ZFPL1: variants seen among roughly 807,000 people sequenced by gnomAD.
The protein encoded by ZFPL1 is zinc finger protein like 1.
A neutral mutation model predicts 32.0 loss-of-function variants in ZFPL1; 28 were observed. The observed-to-expected ratio is 0.87, with a 90% confidence interval of 0.65 to 1.20. ZFPL1 has a LOEUF of 1.20. Ranked by LOEUF, ZFPL1 falls within the 50% of genes most tolerant of loss-of-function variation. ZFPL1 has a pLI of 0.00. For synonymous variants in ZFPL1, 165 were observed against 177.0 expected (o/e 0.93, Z 0.54); for missense variants, 386 against 424.8 (o/e 0.91, Z 0.80).
Position 65,084,801 on chromosome 11 carries a change from G to C in ZFPL1, c.102+1G>C. ...CTGCCTGGTAGCCAATCACGCCAAG[G>C]TGGGGCCTTCAGGGGAGCGACTGAG... is the stretch of plus-strand genomic sequence containing the variant. On this transcript the variant is annotated splice_donor_variant, in intron 2 of 7. Transcript: ENST00000294258. LOFTEE classifies it high-confidence loss of function. The C allele has an allele frequency of 6.2e-7, 1 of 1,614,100 alleles. No homozygotes were observed. The highest frequency in any genetic ancestry group is 8.5e-7 in the Non-Finnish European group (1 of 1,180,030).
chr11:65,086,063 G>A (rs1947676322), intron 3 of ZFPL1: 1 of 364,818 alleles, frequency 2.7e-6, no homozygotes, highest in South Asian at 2.6e-5. Flanking sequence ...ATGTGTGCCT[G>A]TGTGTGTATC....
intron 3 of ZFPL1, chr11:65,085,943 T>C: frequency 4.5e-6 from 1 of 221,790 alleles, no homozygotes; most frequent in East Asian, 1.3e-4. Flanking sequence ...TATAGATGTG[T>C]ATGTGTGAGG....
At chr11:65,084,530 A>G (rs1239413895) in intron 1 of ZFPL1, 152 bp downstream of exon 1, 11 of 636,492 alleles carry the variant, frequency 1.7e-5, no homozygotes, top group Non-Finnish European at 2.7e-5. Context: ...GGATTTATGC[A>G]GGGGGTGTTT....
chr11:65,086,885 C>G, intron 5 of ZFPL1, 43 bp from the exon 6 acceptor site: 1 of 1,613,134 alleles, frequency 6.2e-7, no homozygotes, highest in South Asian at 1.1e-5. Context: ...TACCCCTGAG[C>G]TCTATGCACT....
Position 65,088,351 on chromosome 11 carries a change from C to T in ZFPL1, c.*237C>T. The T allele has an allele frequency of 7.8e-7, 1 of 1,288,984 alleles. No individual in the cohort carries two copies. Among genetic ancestry groups the T allele is most frequent in the Non-Finnish European group, 1.1e-6 (1 of 922,076 alleles). 79.8% of individuals were successfully genotyped at this position (1,288,984 alleles called of 1,614,324 possible). A position where few individuals can be genotyped will look rare whatever the true frequency, so the allele number is the denominator to read the frequency against. ...CGGGTCTCCAGCCTCCGACCCCTCG[C>T]CCCATGAAGGAGCTGGCAGGTGGAA... On this transcript the variant is annotated 3_prime_UTR_variant, in exon 8 of 8. Coordinates refer to ENST00000294258, the MANE Select transcript of ZFPL1 (RefSeq NM_006782.4).
rs758367400 is a variant in ZFPL1 at position 65,084,753 on chromosome 11, C to T, written c.55C>T (p.His19Tyr). 6.2e-7 allele frequency: 1 copy of T among 1,614,132 alleles called. No homozygotes were observed. Among genetic ancestry groups the T allele is most frequent in the Non-Finnish European group, 8.5e-7 (1 of 1,180,028 alleles). Reference sequence around the variant, plus strand: ...GGTGACCAACCTGTTCTGCTTCGAACATCGGGTCAACGTCTGCGAGCACTG... The same window carrying T: ...GGTGACCAACCTGTTCTGCTTCGAATATCGGGTCAACGTCTGCGAGCACTG... ...RKVTNLFCFEHRVNVCEHCLV... is the reference protein window; with the variant it reads ...RKVTNLFCFEYRVNVCEHCLV... Residue 19 changes from histidine to tyrosine, a missense_variant, in exon 2 of 8, where the codon CAT becomes TAT. His to Tyr is a moderately conservative substitution (Grantham distance 83, BLOSUM62 2). Coordinates refer to ENST00000294258, the MANE Select transcript of ZFPL1 (RefSeq NM_006782.4).
intron 3 of ZFPL1, 190 bp downstream of exon 3, chr11:65,085,416 T>G: frequency 4.9e-6 from 3 of 610,462 alleles, no homozygotes; most frequent in Non-Finnish European, 8.8e-6. Context: ...GGCCTCACTG[T>G]CTTTCCTAAA....
At chr11:65,087,882 C>T in intron 7 of ZFPL1, 46 bp from the exon 8 acceptor site, 1 of 1,511,184 alleles carries the variant, frequency 6.6e-7, no homozygotes, top group Non-Finnish European at 8.8e-7. Context: ...GCCGCGGGGG[C>T]CACCAGGGAC....
At chr11:65,086,174 T>C (rs1947677512) in intron 3 of ZFPL1, 1 of 590,866 alleles carries the variant, frequency 1.7e-6, no homozygotes, top group Admixed American at 3.0e-5. Context: ...AAAGGGGAGG[T>C]GGCGTTTTCT....
intron 7 of ZFPL1, 54 bp from the exon 8 acceptor site, chr11:65,087,874 C>T (rs567672441): frequency 1.3e-5 from 19 of 1,500,326 alleles, no homozygotes; most frequent in East Asian, 1.2e-4. Context: ...TCTCTCCAGC[C>T]GCGGGGGCCA....
intron 3 of ZFPL1, chr11:65,086,073 C>T (rs377306912): frequency 2.7e-5 from 10 of 376,210 alleles, no homozygotes; most frequent in African/African-American, 1.7e-4. Context: ...GTGTGTGTAT[C>T]GAGGAACCTT....
chr11:65,084,673 CT>C lies in ZFPL1; in HGVS notation c.-8-17del. On this transcript the variant is annotated splice_polypyrimidine_tract_variant and intron_variant, in intron 1 of 7. Coordinates refer to ENST00000294258, the MANE Select transcript of ZFPL1 (RefSeq NM_006782.4). The stretch of plus-strand genomic sequence containing the variant: ...CCACCAGAACCTGACTTCCTACCAA[CT>C]CATGCCCCTTTCCCAGGATCGATCA... 6.2e-7 allele frequency: 1 copy of C among 1,612,160 alleles called. No homozygotes were observed. Among genetic ancestry groups the C allele is most frequent in the Non-Finnish European group, 8.5e-7 (1 of 1,178,400 alleles).
chr11:65,087,441 G>A lies in ZFPL1; in HGVS notation c.746+8G>A. 1 of 1,613,482 alleles carries A rather than the reference G, an allele frequency of 6.2e-7. No individual in the cohort carries two copies. Among genetic ancestry groups the A allele is most frequent in the Non-Finnish European group, 8.5e-7 (1 of 1,179,502 alleles). On this transcript the variant is annotated splice_region_variant and intron_variant, in intron 7 of 7. Transcript: ENST00000294258. ...GCTGGCCCGGCTGCTAAGGTACACA[G>A]GGTCAGGCAGGGCGGAATGCCAGGA...
chr11:65,084,367 A>C lies in ZFPL1; in HGVS notation c.-20A>C. On this transcript the variant is annotated 5_prime_UTR_variant, in exon 1 of 8. Coordinates refer to ENST00000294258, the MANE Select transcript of ZFPL1 (RefSeq NM_006782.4). The stretch of plus-strand genomic sequence containing the variant: ...CCAGTGCAGCGGCCGATCAGTAAAC[A>C]CAGAGACTGGGGTCTGTAGAGAAGG... 1 of 438,340 alleles carries C rather than the reference A, an allele frequency of 2.3e-6. No homozygotes were observed. The highest frequency in any genetic ancestry group is 4.1e-6 in the Non-Finnish European group (1 of 244,282). 27.2% of individuals were successfully genotyped at this position (438,340 alleles called of 1,614,324 possible).
chr11:65,087,550 C>T, intron 7 of ZFPL1, 117 bp downstream of exon 7: 1 of 974,118 alleles, frequency 1.0e-6, no homozygotes, highest in South Asian at 1.4e-5. Flanking sequence ...AGTAACAGTA[C>T]CTGGTGCTGG....
rs1295497262 is a variant in ZFPL1 at position 65,087,918 on chromosome 11, A to G, written c.747-10A>G. Reference sequence around the variant, plus strand: ...TGGGGCCTGACCTGATTTTCCCCTCATCCCCCCAGGAGCCGGGCTGGGTCT... The same window carrying G: ...TGGGGCCTGACCTGATTTTCCCCTCGTCCCCCCAGGAGCCGGGCTGGGTCT... On this transcript the variant is annotated splice_polypyrimidine_tract_variant and intron_variant, in intron 7 of 7. Coordinates refer to ENST00000294258, the MANE Select transcript of ZFPL1 (RefSeq NM_006782.4). The G allele has an allele frequency of 6.5e-7, 1 of 1,549,016 alleles. No homozygotes were observed. The highest frequency in any genetic ancestry group is 8.6e-7 in the Non-Finnish European group (1 of 1,161,954).
chr11:65,087,352 G>A lies in ZFPL1; in HGVS notation c.665G>A (p.Arg222Gln), dbSNP rs150897226. 3,295 of 1,614,062 alleles carry A rather than the reference G, an allele frequency of 2.0e-3. 3 individuals carry two copies. The highest frequency in any genetic ancestry group is 2.5e-3 in the Non-Finnish European group (2,977 of 1,179,990). The change falls in exon 7 of 8, where the codon CGG (arginine) becomes CAG (glutamine). Residue 222 changes from arginine to glutamine, a missense_variant. Arg to Gln is a conservative substitution (Grantham distance 43). Transcript: ENST00000294258. Reference protein sequence around the residue: ...RKVYDTRDDDRTPGLHGDCDD... With the variant: ...RKVYDTRDDDQTPGLHGDCDD... ...GTGTATGATACGCGGGATGATGACC[G>A]GACACCAGGCCTCCATGGAGACTGT... is the stretch of plus-strand genomic sequence containing the variant.
chr11:65,085,315 G>C, intron 3 of ZFPL1, 89 bp downstream of exon 3: 1 of 1,167,216 alleles, frequency 8.6e-7, no homozygotes, highest in South Asian at 1.2e-5. Context: ...CAGCAGGACA[G>C]TGAGTCCCCC....
chr11:65,087,105 G>T, intron 6 of ZFPL1, 31 bp downstream of exon 6: 1 of 1,602,130 alleles, frequency 6.2e-7, no homozygotes, highest in South Asian at 1.1e-5. Flanking sequence ...GGCCGCAGAA[G>T]GATAGGAAGA....
Sources: gnomAD v4.1 joint callset for allele counts on GRCh38, gnomAD v4.1.1 for gene constraint, MANE v1.5 for transcripts, NCBI Gene and HGNC (gene_info 2026-07-23, HGNC 2026-07-21) for gene names.